The following OPCML variants were observed in gnomAD, a reference collection of about 807,000 sequenced individuals.
OPCML encodes the protein opioid binding protein/cell adhesion molecule like.
OPCML carries 13 observed loss-of-function variants against 37.8 expected under a neutral mutation model. The observed-to-expected ratio is 0.34, with a 90% confidence interval of 0.22 to 0.55. The LOEUF is 0.55. Ranked by LOEUF, OPCML falls within the 20% of genes least tolerant of loss-of-function variation. The pLI, the probability that OPCML is intolerant of heterozygous loss-of-function variation, is 0.91. For synonymous variants in OPCML, 176 were observed against 168.8 expected, an observed-to-expected ratio of 1.04 and a Z score of -0.33; for missense variants, 341 against 435.6, an observed-to-expected ratio of 0.78 and a Z score of 1.93.
intron 2 of OPCML, among the ~76,000 whole-genome samples, chr11:132,821,620 A>T (rs1939990914): frequency 6.6e-6 from 1 of 152,238 alleles, no homozygotes; most frequent in Admixed American, 6.5e-5. Context: ...ATGAAAGATT[A>T]GCCCCAGATT....
At chr11:133,473,124 A>G (rs985982568) in intron 1 of OPCML, among the ~76,000 whole-genome samples, 3 of 152,164 alleles carry the variant, frequency 2.0e-5, no homozygotes, top group Non-Finnish European at 4.4e-5. Context: ...ATGAGTCTAT[A>G]ATATCACACT....
At chr11:132,450,459 G>A (rs1281627797) in intron 4 of OPCML, among the ~76,000 whole-genome samples, 1 of 152,144 alleles carries the variant, frequency 6.6e-6, no homozygotes, top group Admixed American at 6.5e-5. Context: ...TGCCTCGACG[G>A]TGGTGTCTGC....
At chr11:133,518,877 C>T (rs1473275860) in intron 1 of OPCML, among the ~76,000 whole-genome samples, 1 of 151,844 alleles carries the variant, frequency 6.6e-6, no homozygotes, top group Non-Finnish European at 1.5e-5. Context: ...CTGTGCCCGC[C>T]CCCTAGGGTT....
At chr11:132,865,571 G>A (rs1333994701) in intron 2 of OPCML, among the ~76,000 whole-genome samples, 1 of 152,160 alleles carries the variant, frequency 6.6e-6, no homozygotes, top group South Asian at 2.1e-4. Flanking sequence ...CCAGCTTACT[G>A]TTTAGAAAGT....
intron 1 of OPCML, among the ~76,000 whole-genome samples, chr11:133,140,795 A>ACG (rs1449810056): frequency 3.4e-5 from 5 of 145,884 alleles, no homozygotes; most frequent in African/African-American, 1.3e-4. Context: ...GACGAAGAAG[A>ACG]AGAAGAAGAA....
chr11:132,918,108 T>G (rs1041738257), intron 2 of OPCML, among the ~76,000 whole-genome samples: 1 of 152,244 alleles, frequency 6.6e-6, no homozygotes, highest in African/African-American at 2.4e-5. Flanking sequence ...ATGTAATCTT[T>G]AATTTACTAA....
chr11:133,416,110 T>G (rs1309008478), intron 1 of OPCML, among the ~76,000 whole-genome samples: 1 of 152,158 alleles, frequency 6.6e-6, no homozygotes, highest in African/African-American at 2.4e-5. Flanking sequence ...TTTAAGCCAT[T>G]AAATTTGGAG....
chr11:132,679,508 G>A (rs1942849746), intron 2 of OPCML, among the ~76,000 whole-genome samples: 1 of 152,224 alleles, frequency 6.6e-6, no homozygotes, highest in South Asian at 2.1e-4. Context: ...CCTATTGTAT[G>A]ATTCCATTGA....
intron 7 of OPCML, among the ~76,000 whole-genome samples, chr11:132,424,477 G>A (rs904231640): frequency 3.3e-5 from 5 of 152,050 alleles, no homozygotes; most frequent in South Asian, 4.1e-4. Context: ...AAATGCACCC[G>A]GATAAAAGCC....
chr11:133,524,969 T>C (rs1948461725), intron 1 of OPCML, among the ~76,000 whole-genome samples: 1 of 152,222 alleles, frequency 6.6e-6, no homozygotes, highest in African/African-American at 2.4e-5. Context: ...CTCTCATTCA[T>C]TTGTTCAACA....
At chr11:132,829,774 G>GT (rs1240704473) in intron 2 of OPCML, among the ~76,000 whole-genome samples, 2 of 152,118 alleles carry the variant, frequency 1.3e-5, no homozygotes, top group Non-Finnish European at 2.9e-5. Flanking sequence ...AATCCATCAG[G>GT]TAAAAACCTT....
intron 1 of OPCML, among the ~76,000 whole-genome samples, chr11:133,117,566 T>C (rs1297585417): frequency 6.6e-6 from 1 of 152,154 alleles, no homozygotes; most frequent in Non-Finnish European, 1.5e-5. Flanking sequence ...AGTTTTTCGA[T>C]GTTATGCTCA....
intron 1 of OPCML, among the ~76,000 whole-genome samples, chr11:133,239,353 C>T (rs1940639773): frequency 1.3e-5 from 2 of 152,238 alleles, no homozygotes; most frequent in South Asian, 2.1e-4. Context: ...CAGTCCAATA[C>T]AGACCAGACC....
At chr11:132,632,646 C>G (rs1245185637) in intron 3 of OPCML, among the ~76,000 whole-genome samples, 4 of 152,086 alleles carry the variant, frequency 2.6e-5, no homozygotes, top group Non-Finnish European at 5.9e-5. Context: ...ATATCTACTC[C>G]TTTTGGTCTT....
At chr11:133,458,494 A>G (rs1385293979) in intron 1 of OPCML, among the ~76,000 whole-genome samples, 1 of 126,900 alleles carries the variant, frequency 7.9e-6, no homozygotes, top group Non-Finnish European at 1.5e-5. Flanking sequence ...ACATATATAC[A>G]CGTGTGTGTG....
intron 1 of OPCML, among the ~76,000 whole-genome samples, chr11:132,993,321 G>A (rs184365793): frequency 1.2e-3 from 178 of 152,232 alleles, no homozygotes; most frequent in Non-Finnish European, 1.8e-3. Flanking sequence ...CTTCCTCCCA[G>A]GGCGCCCTTT....
intron 1 of OPCML, among the ~76,000 whole-genome samples, chr11:133,080,380 A>G (rs1449320979): frequency 6.6e-6 from 1 of 151,992 alleles, no homozygotes; most frequent in Non-Finnish European, 1.5e-5. Flanking sequence ...CACGGTGAGT[A>G]GGAAGGCCCT....
At chr11:132,455,687 C>T (rs1433552276) in intron 4 of OPCML, among the ~76,000 whole-genome samples, 2 of 152,288 alleles carry the variant, frequency 1.3e-5, no homozygotes, top group East Asian at 3.9e-4. Context: ...AAAAGCAGTT[C>T]TCTTGTGTTT....
chr11:132,644,109 T>C (rs1362214124), intron 3 of OPCML, among the ~76,000 whole-genome samples: 1 of 152,208 alleles, frequency 6.6e-6, no homozygotes, highest in African/African-American at 2.4e-5. Flanking sequence ...AATCTGTGCT[T>C]TCCCCTGAAA....
Sources: gnomAD v4.1 joint callset for allele counts (sites outside exome capture counted in the v4.1 genomes callset) on GRCh38, gnomAD v4.1.1 for gene constraint, MANE v1.5 for transcripts, NCBI Gene and HGNC (gene_info 2026-07-23, HGNC 2026-07-21) for gene names.